The following ARK2C variants were observed in gnomAD, a reference collection of about 807,000 sequenced individuals.
ARK2C encodes the protein E3 ubiquitin-protein ligase ARK2C.
chr18:46,379,011 T>G, the ARK2C span, among the ~76,000 whole-genome samples: 1 of 152,166 alleles, frequency 6.6e-6, no homozygotes, highest in African/African-American at 2.4e-5. Flanking sequence ...TAATTAGGCC[T>G]GGAGTAGGGA....
the ARK2C span, among the ~76,000 whole-genome samples, chr18:46,393,659 A>G: frequency 1.4e-4 from 21 of 152,188 alleles, no homozygotes; most frequent in Non-Finnish European, 2.4e-4. Flanking sequence ...ACCTTGATGT[A>G]TCTTCCACAT....
chr18:46,335,803 G>C, the ARK2C span: 1 of 754,892 alleles, frequency 1.3e-6, no homozygotes, highest in Non-Finnish European at 1.6e-6. Context: ...GCCCCCTTAG[G>C]CCTGTTTGAA....
At chr18:46,427,521 G>GCT in the ARK2C span, among the ~76,000 whole-genome samples, 1 of 152,252 alleles carries the variant, frequency 6.6e-6, no homozygotes, top group African/African-American at 2.4e-5. Flanking sequence ...GTACTGGCCA[G>GCT]CTCTGCCTGA....
the ARK2C span, among the ~76,000 whole-genome samples, chr18:46,397,516 A>G: frequency 1.2e-4 from 6 of 48,914 alleles, no homozygotes; most frequent in South Asian, 1.6e-3. Context: ...GGTCATGCTG[A>G]GGTGTGAGGT....
At chr18:46,414,469 TAC>T in the ARK2C span, among the ~76,000 whole-genome samples, 187 of 152,078 alleles carry the variant, frequency 1.2e-3, 1 homozygote, top group African/African-American at 4.1e-3. Flanking sequence ...GACATACATG[TAC>T]ACACACACAC....
chr18:46,398,446 C>T, the ARK2C span, among the ~76,000 whole-genome samples: 1 of 151,962 alleles, frequency 6.6e-6, no homozygotes, highest in Non-Finnish European at 1.5e-5. Context: ...AAACCTAGCC[C>T]CTTACCCCCA....
At chr18:46,416,967 T>C in the ARK2C span, among the ~76,000 whole-genome samples, 1 of 152,162 alleles carries the variant, frequency 6.6e-6, no homozygotes, top group South Asian at 2.1e-4. Flanking sequence ...GAGGAGCTTG[T>C]ATGGGAGGGT....
chr18:46,390,800 T>A, the ARK2C span, among the ~76,000 whole-genome samples: 1 of 152,154 alleles, frequency 6.6e-6, no homozygotes, highest in Non-Finnish European at 1.5e-5. Context: ...ACCCTTATTC[T>A]TGGTGCTTCA....
the ARK2C span, among the ~76,000 whole-genome samples, chr18:46,372,822 C>T: frequency 2.6e-5 from 4 of 152,248 alleles, no homozygotes; most frequent in African/African-American, 9.6e-5. Context: ...ATTCTAACCA[C>T]ACTGCGGTGC....
At chr18:46,343,183 G>A in the ARK2C span, among the ~76,000 whole-genome samples, 8 of 152,172 alleles carry the variant, frequency 5.3e-5, no homozygotes, top group Admixed American at 3.9e-4. Context: ...GAGTGGATCA[G>A]GTGTGACAAC....
the ARK2C span, among the ~76,000 whole-genome samples, chr18:46,419,583 AGG>A: frequency 6.6e-6 from 1 of 152,194 alleles, no homozygotes; most frequent in Non-Finnish European, 1.5e-5. Flanking sequence ...ACCGGGTCAA[AGG>A]GCTGCTGGCT....
At chr18:46,349,245 G>A in the ARK2C span, among the ~76,000 whole-genome samples, 7 of 152,102 alleles carry the variant, frequency 4.6e-5, no homozygotes, top group Non-Finnish European at 7.4e-5. Flanking sequence ...TTTGTTTCCC[G>A]GTGTACTGGA....
the ARK2C span, among the ~76,000 whole-genome samples, chr18:46,379,369 G>A: frequency 2.0e-5 from 3 of 152,230 alleles, no homozygotes; most frequent in South Asian, 4.2e-4. Flanking sequence ...GAGACTAAGC[G>A]CTGGTTTCTT....
the ARK2C span, among the ~76,000 whole-genome samples, chr18:46,426,049 A>G: frequency 6.6e-6 from 1 of 152,082 alleles, no homozygotes; most frequent in East Asian, 1.9e-4. Context: ...TATCCCCACT[A>G]TCTAATCACC....
chr18:46,446,542 A>C, the ARK2C span, among the ~76,000 whole-genome samples: 1 of 151,874 alleles, frequency 6.6e-6, no homozygotes, highest in South Asian at 2.1e-4. Context: ...GTGGTGTGGC[A>C]TGCCTGTAGT....
At chr18:46,411,720 C>A in the ARK2C span, among the ~76,000 whole-genome samples, 1 of 152,190 alleles carries the variant, frequency 6.6e-6, no homozygotes, top group Admixed American at 6.5e-5. Flanking sequence ...CTGAAGGAAT[C>A]TCAGATATGG....
chr18:46,453,269 C>T, the ARK2C span, among the ~76,000 whole-genome samples: 6 of 152,286 alleles, frequency 3.9e-5, no homozygotes, highest in South Asian at 1.0e-3. Flanking sequence ...AATGATCATT[C>T]TCTGGAGAGA....
chr18:46,447,759 C>T, the ARK2C span: 58 of 1,591,094 alleles, frequency 3.6e-5, no homozygotes, highest in African/African-American at 6.8e-4. Context: ...GCCTGCGGTC[C>T]CCTGTGCCCT....
the ARK2C span, chr18:46,386,633 T>C: frequency 6.6e-6 from 1 of 152,198 alleles, no homozygotes; most frequent in Non-Finnish European, 1.5e-5. Context: ...AGTGCTCATT[T>C]CATTCCAACC....
Sources: gnomAD v4.1 joint callset for allele counts (sites outside exome capture counted in the v4.1 genomes callset) on GRCh38, gnomAD v4.1.1 for gene constraint, MANE v1.5 for transcripts, NCBI Gene and HGNC (gene_info 2026-07-23, HGNC 2026-07-21) for gene names.